Variants in SPMIP2 observed in about 807,000 individuals in gnomAD.
SPMIP2 encodes the protein sperm microtubule inner protein 2.
the SPMIP2 span, among the ~76,000 whole-genome samples, chr4:159,048,074 T>G: frequency 6.6e-6 from 1 of 152,228 alleles, no homozygotes; most frequent in Non-Finnish European, 1.5e-5. Flanking sequence ...TAGCGATGTT[T>G]TGCAGTCTGT....
chr4:159,081,293 C>T, the SPMIP2 span, among the ~76,000 whole-genome samples: 33 of 152,220 alleles, frequency 2.2e-4, no homozygotes, highest in Admixed American at 6.5e-4. Flanking sequence ...ACCGCCTCAG[C>T]CACCCAAAGT....
At chr4:158,997,654 G>T in the SPMIP2 span, among the ~76,000 whole-genome samples, 2 of 152,012 alleles carry the variant, frequency 1.3e-5, no homozygotes, top group African/African-American at 4.8e-5. Flanking sequence ...CTCTTTAGTT[G>T]TTGTTGTTAT....
the SPMIP2 span, among the ~76,000 whole-genome samples, chr4:158,953,094 C>T: frequency 6.6e-6 from 1 of 152,156 alleles, no homozygotes; most frequent in South Asian, 2.1e-4. Context: ...CAGAAATTTG[C>T]ATAAGTAATG....
the SPMIP2 span, among the ~76,000 whole-genome samples, chr4:158,928,885 G>A: frequency 6.6e-6 from 1 of 152,050 alleles, no homozygotes; most frequent in African/African-American, 2.4e-5. Flanking sequence ...AAGGGCTGCA[G>A]CTTCACTCCT....
chr4:158,958,084 C>T, the SPMIP2 span, among the ~76,000 whole-genome samples: 254 of 152,184 alleles, frequency 1.7e-3, no homozygotes, highest in African/African-American at 5.7e-3. Flanking sequence ...CTCGACCTCC[C>T]GGGCTCAAGT....
the SPMIP2 span, among the ~76,000 whole-genome samples, chr4:158,946,656 C>G: frequency 1.3e-5 from 2 of 152,182 alleles, no homozygotes; most frequent in African/African-American, 4.8e-5. Flanking sequence ...TTATAAATTA[C>G]CCCATCTCAG....
chr4:158,915,537 A>G, the SPMIP2 span, among the ~76,000 whole-genome samples: 2 of 152,206 alleles, frequency 1.3e-5, no homozygotes, highest in Admixed American at 6.5e-5. Flanking sequence ...TCCACTCTAC[A>G]TCACTGGACT....
At chr4:158,963,964 G>C in the SPMIP2 span, among the ~76,000 whole-genome samples, 2 of 152,020 alleles carry the variant, frequency 1.3e-5, no homozygotes, top group African/African-American at 4.8e-5. Context: ...GACCATCCTG[G>C]CTGATACGGT....
chr4:158,983,226 G>A, the SPMIP2 span, among the ~76,000 whole-genome samples: 1 of 152,078 alleles, frequency 6.6e-6, no homozygotes, highest in Admixed American at 6.6e-5. Flanking sequence ...AACCAAGTTG[G>A]AAAACACTCT....
the SPMIP2 span, among the ~76,000 whole-genome samples, chr4:159,081,887 A>G: frequency 1.3e-5 from 2 of 152,212 alleles, no homozygotes. Flanking sequence ...GAAGTGATAT[A>G]ATGAGTCAAG....
the SPMIP2 span, chr4:158,905,241 A>C: frequency 6.6e-6 from 1 of 152,420 alleles, no homozygotes; most frequent in Non-Finnish European, 1.5e-5. Context: ...TGGTGCAATA[A>C]ACCCAAGAAT....
At chr4:158,987,546 G>T in the SPMIP2 span, among the ~76,000 whole-genome samples, 277 of 151,890 alleles carry the variant, frequency 1.8e-3, no homozygotes, top group African/African-American at 4.9e-3. Context: ...ACCAAACACC[G>T]CATGTTCTCA....
At chr4:159,064,678 A>G in the SPMIP2 span, among the ~76,000 whole-genome samples, 1 of 152,206 alleles carries the variant, frequency 6.6e-6, no homozygotes, top group East Asian at 1.9e-4. Flanking sequence ...AAAATATTAA[A>G]TACCCCAAAT....
At chr4:158,981,122 T>G in the SPMIP2 span, among the ~76,000 whole-genome samples, 8 of 152,118 alleles carry the variant, frequency 5.3e-5, no homozygotes, top group East Asian at 1.5e-3. Flanking sequence ...GAAGATCAAC[T>G]GAATGAAATA....
At chr4:159,027,188 A>C in the SPMIP2 span, among the ~76,000 whole-genome samples, 2 of 152,270 alleles carry the variant, frequency 1.3e-5, no homozygotes, top group East Asian at 3.9e-4. Context: ...AAGGTCTCCC[A>C]CTTTTGCTAT....
the SPMIP2 span, among the ~76,000 whole-genome samples, chr4:159,068,830 T>A: frequency 6.6e-6 from 1 of 152,132 alleles, no homozygotes; most frequent in Non-Finnish European, 1.5e-5. Context: ...AAAAGACATA[T>A]TATTTACAAA....
chr4:159,046,233 A>G, the SPMIP2 span, among the ~76,000 whole-genome samples: 1 of 149,440 alleles, frequency 6.7e-6, no homozygotes, highest in African/African-American at 2.4e-5. Context: ...TGTCTCAAGA[A>G]AAAAAAAAAA....
At chr4:159,003,748 AG>A in the SPMIP2 span, among the ~76,000 whole-genome samples, 1 of 152,240 alleles carries the variant, frequency 6.6e-6, no homozygotes, top group Non-Finnish European at 1.5e-5. Flanking sequence ...CCCATTATCA[AG>A]GTAGACAGAA....
chr4:158,896,985 TCCCACCCCCAGCCC>T, the SPMIP2 span, among the ~76,000 whole-genome samples: 7 of 152,082 alleles, frequency 4.6e-5, no homozygotes, highest in Admixed American at 4.6e-4. Flanking sequence ...CCTAATGCTA[TCCCACCCCCAGCCC>T]CCCACCCGCC....
Sources: gnomAD v4.1 joint callset for allele counts (sites outside exome capture counted in the v4.1 genomes callset) on GRCh38, gnomAD v4.1.1 for gene constraint, MANE v1.5 for transcripts, NCBI Gene and HGNC (gene_info 2026-07-23, HGNC 2026-07-21) for gene names.